The following SPMIP9 variants were observed in gnomAD, a reference collection of about 807,000 sequenced individuals.
SPMIP9 encodes sperm microtubule inner protein 9.
the SPMIP9 span, chr2:88,526,436 C>T: frequency 6.2e-7 from 1 of 1,614,062 alleles, no homozygotes; most frequent in Non-Finnish European, 8.5e-7. Flanking sequence ...TACCAAAGCT[C>T]CCACATGGTC....
chr2:88,529,551 A>G, the SPMIP9 span: 15 of 1,287,934 alleles, frequency 1.2e-5, no homozygotes, highest in Non-Finnish European at 1.5e-5. Context: ...AGAGAGGAGA[A>G]CTGAAAATAA....
chr2:88,526,385 A>T, the SPMIP9 span: 1 of 1,583,520 alleles, frequency 6.3e-7, no homozygotes, highest in Admixed American at 1.7e-5. Flanking sequence ...CTCTTGTTTT[A>T]TATTCTCCTT....
chr2:88,525,669 C>T, the SPMIP9 span: 1 of 1,614,036 alleles, frequency 6.2e-7, no homozygotes, highest in Admixed American at 1.7e-5. Flanking sequence ...ATACCCGGGA[C>T]AGGTGAGTGA....
At chr2:88,529,463 T>C in the SPMIP9 span, 2 of 1,611,428 alleles carry the variant, frequency 1.2e-6, no homozygotes, top group African/African-American at 2.7e-5. Flanking sequence ...CTTGATGCCA[T>C]TTTACCAGTA....
chr2:88,525,617 C>A, the SPMIP9 span: 1 of 1,614,144 alleles, frequency 6.2e-7, no homozygotes, highest in Non-Finnish European at 8.5e-7. Context: ...CAGGGCTAAA[C>A]AACTTGTCTG....
chr2:88,525,490 G>T, the SPMIP9 span: 1 of 823,176 alleles, frequency 1.2e-6, no homozygotes. Context: ...ATGATGGAGT[G>T]ACATGCAGGG....
the SPMIP9 span, chr2:88,529,296 AC>A: frequency 6.2e-7 from 1 of 1,614,068 alleles, no homozygotes; most frequent in Non-Finnish European, 8.5e-7. Context: ...GCCCAGGGTG[AC>A]CCCAACCAGG....
the SPMIP9 span, chr2:88,525,548 A>G: frequency 2.1e-6 from 3 of 1,431,084 alleles, no homozygotes; most frequent in Non-Finnish European, 3.0e-6. Flanking sequence ...AAGCTGGGGC[A>G]GCCATGCTTG....
the SPMIP9 span, among the ~76,000 whole-genome samples, chr2:88,526,249 G>A: frequency 4.6e-4 from 70 of 152,286 alleles, no homozygotes; most frequent in Non-Finnish European, 2.4e-4. Context: ...GGAAGGTGGC[G>A]GGATGGTAAA....
At chr2:88,524,955 G>A in the SPMIP9 span, among the ~76,000 whole-genome samples, 14 of 152,154 alleles carry the variant, frequency 9.2e-5, no homozygotes, top group Admixed American at 6.5e-4. Flanking sequence ...CGAGGCCCTC[G>A]CTAGGACTTC....
chr2:88,525,251 G>A, the SPMIP9 span, among the ~76,000 whole-genome samples: 2 of 152,196 alleles, frequency 1.3e-5, no homozygotes, highest in South Asian at 4.1e-4. Flanking sequence ...AGCCATGATA[G>A]GAGCATTTAC....
chr2:88,529,575 T>C, the SPMIP9 span: 1 of 1,104,780 alleles, frequency 9.1e-7, no homozygotes, highest in South Asian at 1.6e-5. Flanking sequence ...TGGAAAGATG[T>C]TCCAACTGCA....
At chr2:88,529,326 TTCCG>T in the SPMIP9 span, 1 of 1,614,138 alleles carries the variant, frequency 6.2e-7, no homozygotes, top group Non-Finnish European at 8.5e-7. Flanking sequence ...AGTGCTGACT[TTCCG>T]TGCCTCGTGG....
the SPMIP9 span, among the ~76,000 whole-genome samples, chr2:88,528,223 C>T: frequency 5.3e-5 from 8 of 151,558 alleles, 1 homozygote; most frequent in East Asian, 1.9e-4. Flanking sequence ...CTGCAACCTC[C>T]GCCTCCTGGG....
chr2:88,525,818 AG>A, the SPMIP9 span: 651 of 499,736 alleles, frequency 1.3e-3, 1 homozygote, highest in South Asian at 9.7e-3. Flanking sequence ...TTTTGGTACA[AG>A]AAGAAGAAGA....
the SPMIP9 span, chr2:88,526,497 G>T: frequency 6.2e-7 from 1 of 1,613,086 alleles, no homozygotes; most frequent in Admixed American, 1.7e-5. Flanking sequence ...CGCCGCAAGA[G>T]GTAGGAAGGC....
At chr2:88,528,143 T>G in the SPMIP9 span, among the ~76,000 whole-genome samples, 1 of 150,980 alleles carries the variant, frequency 6.6e-6, no homozygotes, top group Non-Finnish European at 1.5e-5. Context: ...TTTCCCTTTT[T>G]TTTTTTTTTT....
At chr2:88,527,842 C>T in the SPMIP9 span, among the ~76,000 whole-genome samples, 1 of 152,198 alleles carries the variant, frequency 6.6e-6, no homozygotes, top group African/African-American at 2.4e-5. Context: ...AGCAGTTGCA[C>T]CAATTTACAT....
At chr2:88,527,410 C>A in the SPMIP9 span, among the ~76,000 whole-genome samples, 1 of 152,058 alleles carries the variant, frequency 6.6e-6, no homozygotes, top group Admixed American at 6.6e-5. Flanking sequence ...ATGAGAATTG[C>A]TTGAACCTGG....
Sources: gnomAD v4.1 joint callset for allele counts (sites outside exome capture counted in the v4.1 genomes callset) on GRCh38, gnomAD v4.1.1 for gene constraint, MANE v1.5 for transcripts, NCBI Gene and HGNC (gene_info 2026-07-23, HGNC 2026-07-21) for gene names.